SHTN1: variants seen among roughly 807,000 people sequenced by gnomAD.
SHTN1 encodes shootin 1.
SHTN1 carries 42 observed loss-of-function variants against 83.1 expected under a neutral mutation model. The ratio of observed to expected loss-of-function variants is 0.51; its 90% confidence interval spans 0.39 to 0.65. The LOEUF is 0.65. Among genes scored for constraint, SHTN1 ranks in the 30% least tolerant of loss-of-function variants. The probability of loss-of-function intolerance (pLI) is 0.00; values close to 1 mark genes in which losing one functional copy is unlikely to be tolerated. For missense variants in SHTN1, 622 were observed against 737.8 expected (o/e 0.84, Z 1.82); for synonymous variants, 224 against 247.7 (o/e 0.90, Z 0.90).
At chr10:116,945,505 G>C (rs1849543235) in intron 7 of SHTN1, among the ~76,000 whole-genome samples, 1 of 152,056 alleles carries the variant, frequency 6.6e-6, no homozygotes, top group Non-Finnish European at 1.5e-5. Flanking sequence ...TTCTTTAAAA[G>C]CCACAGATAA....
chr10:117,027,468 T>C (rs1852348506), intron 2 of SHTN1, among the ~76,000 whole-genome samples: 2 of 150,136 alleles, frequency 1.3e-5, no homozygotes, highest in East Asian at 4.0e-4. Flanking sequence ...AGCAATCCTT[T>C]TTTTTTAAAT....
At chr10:117,031,708 G>C (rs1305630699) in intron 2 of SHTN1, among the ~76,000 whole-genome samples, 2 of 152,074 alleles carry the variant, frequency 1.3e-5, no homozygotes, top group African/African-American at 4.8e-5. Flanking sequence ...GATAGTATTT[G>C]CAAGCCTCAT....
At chr10:117,124,192 A>C (rs559068681) in intron 1 of SHTN1, among the ~76,000 whole-genome samples, 24 of 151,232 alleles carry the variant, frequency 1.6e-4, no homozygotes, top group African/African-American at 5.6e-4. Context: ...AGCCTGGGTG[A>C]CAGAGCAAGA....
intron 9 of SHTN1, among the ~76,000 whole-genome samples, chr10:116,933,681 C>T (rs775974175): frequency 3.3e-5 from 5 of 151,992 alleles, no homozygotes; most frequent in Admixed American, 6.6e-5. Flanking sequence ...GGGTATATAC[C>T]CAGTAATGGG....
rs1294511278 is a variant in SHTN1 at position 116,883,093 on chromosome 10, T to C, written c.*3251A>G. 6.6e-6 allele frequency: 1 copy of C among 151,896 alleles called. No homozygotes were observed. Among genetic ancestry groups the C allele is most frequent in the African/African-American group, 2.4e-5 (1 of 41,306 alleles). The allele number at this position is 151,896 out of a possible 1,614,324, so 9.4% of individuals were successfully genotyped here. On this transcript the variant is annotated 3_prime_UTR_variant, in exon 17 of 17. Transcript: ENST00000355371. ...TACAATGAATAACAAAATAACTAAA[T>C]TAAATTAACCAAAGAGGTGATTTAT...
At chr10:117,096,324 T>C (rs917905678) in intron 1 of SHTN1, among the ~76,000 whole-genome samples, 1 of 152,246 alleles carries the variant, frequency 6.6e-6, no homozygotes, top group Non-Finnish European at 1.5e-5. Context: ...GTAGTACAGG[T>C]ACCCATATGA....
At chr10:116,886,913 C>T (rs1299782282) in intron 16 of SHTN1, among the ~76,000 whole-genome samples, 1 of 152,324 alleles carries the variant, frequency 6.6e-6, no homozygotes, top group South Asian at 2.1e-4. Flanking sequence ...TGCCCAGACC[C>T]CCACCCGCCC....
At chr10:116,985,635 A>G (rs762996477) in intron 1 of SHTN1, among the ~76,000 whole-genome samples, 4 of 152,188 alleles carry the variant, frequency 2.6e-5, no homozygotes, top group Non-Finnish European at 5.9e-5. Context: ...TACATCATAT[A>G]TTGTATCAAG....
intron 13 of SHTN1, among the ~76,000 whole-genome samples, chr10:116,912,918 G>A (rs1349920172): frequency 6.6e-6 from 1 of 151,988 alleles, no homozygotes; most frequent in Non-Finnish European, 1.5e-5. Context: ...TAAAAACAGA[G>A]AAGAGAGAGG....
At chr10:117,106,262 C>T (rs1853667787) in intron 1 of SHTN1, among the ~76,000 whole-genome samples, 1 of 152,140 alleles carries the variant, frequency 6.6e-6, no homozygotes, top group East Asian at 1.9e-4. Flanking sequence ...CAAGACCATC[C>T]TGGCCAACAT....
chr10:116,993,017 CTTTTTTTT>C (rs35364697), intron 1 of SHTN1, among the ~76,000 whole-genome samples: 63 of 121,204 alleles, frequency 5.2e-4, no homozygotes, highest in African/African-American at 2.0e-3. Flanking sequence ...TCTTTTTTTT[CTTTTTTTT>C]TTTTTTTTGA....
rs760905053 is a variant in SHTN1 at position 117,005,002 on chromosome 10, G to A, written c.58+20C>T. ...CCACGGGCCGCGGCTGCCCACACCT[G>A]GCGCCCGCGTGCTGCCTACCTTGCT... On this transcript the variant is annotated intron_variant, in intron 1 of 16. Transcript: ENST00000355371. The A allele has an allele frequency of 1.3e-6, 2 of 1,582,152 alleles. No homozygotes were observed. Among genetic ancestry groups the A allele is most frequent in the Non-Finnish European group, 1.7e-6 (2 of 1,164,362 alleles).
chr10:116,912,760 A>G (rs934130304), intron 13 of SHTN1, among the ~76,000 whole-genome samples: 1 of 152,198 alleles, frequency 6.6e-6, no homozygotes, highest in Non-Finnish European at 1.5e-5. Context: ...CTTGCAAGAC[A>G]TAGTGAAAGG....
chr10:116,921,601 T>G (rs1288316672), intron 11 of SHTN1, 85 bp from the exon 12 acceptor site: 1 of 855,202 alleles, frequency 1.2e-6, no homozygotes, highest in Non-Finnish European at 1.9e-6. Context: ...CTTTGATAGG[T>G]GCATGAATAT....
In SHTN1 at chr10:117,124,759, G is replaced by A. The variant is rs547007508; in HGVS notation, c.-189+1548C>T. ...ACTGCACTCCAGCCTGGGCGATGCA[G>A]TGAGACTCCGTCTCAAAAAATAAGA... On this transcript the variant is annotated intron_variant, in intron 1 of 17. Transcript: ENST00000392901. 1.4e-4 allele frequency among the ~76,000 whole-genome samples: 21 copies of A among 152,354 alleles called. No homozygotes were observed. The South Asian group carries it at 4.3e-3, about 32-fold the overall frequency.
rs1564858284 is a variant in SHTN1, at chr10:116,886,388, CTTCT to C, written c.1848_1851del (p.Glu617ThrfsTer6). 1.9e-6 allele frequency: 3 copies of C among 1,568,322 alleles called. No homozygotes were observed. Among genetic ancestry groups the C allele is most frequent in the Non-Finnish European group, 2.6e-6 (3 of 1,154,746 alleles). On this transcript the variant is annotated frameshift_variant, in exon 17 of 17. Coordinates refer to ENST00000355371, the MANE Select transcript of SHTN1 (RefSeq NM_001127211.3). LOFTEE classifies it high-confidence loss of function. ...GTCTCTCTCACGTTTTCAATGCTGT[CTTCT>C]TTGTTTTCTGGTTGAATTTCGCCTT...
upstream of SHTN1, chr10:117,005,661 G>T (rs767371070): frequency 1.2e-6 from 1 of 862,452 alleles, no homozygotes; most frequent in Non-Finnish European, 1.4e-6. Context: ...TGCCCACAGG[G>T]GCGGGCCCAG....
chr10:117,021,532 A>G (rs1227851522), intron 2 of SHTN1, among the ~76,000 whole-genome samples: 1 of 152,232 alleles, frequency 6.6e-6, no homozygotes, highest in African/African-American at 2.4e-5. Context: ...TTCATTCATA[A>G]AACTATAAGT....
chr10:116,912,395 G>A (rs1371405106), intron 13 of SHTN1, among the ~76,000 whole-genome samples: 2 of 152,210 alleles, frequency 1.3e-5, no homozygotes, highest in Non-Finnish European at 2.9e-5. Context: ...AAAGAACCTG[G>A]CTACAGGAGA....
Sources: allele counts gnomAD v4.1 joint callset (sites outside exome capture counted in the v4.1 genomes callset), GRCh38; gene constraint gnomAD v4.1.1; transcripts MANE v1.5; gene names NCBI Gene and HGNC (gene_info 2026-07-23, HGNC 2026-07-21).